The following EXOC6B variants were observed in gnomAD, a reference collection of about 807,000 sequenced individuals.
EXOC6B encodes SEC15 homolog B.
In EXOC6B, 54 loss-of-function variants were observed where a neutral mutation model predicts 113.5. That is an observed-to-expected ratio of 0.48 (90% CI 0.38 to 0.60). The LOEUF (loss-of-function observed/expected upper bound fraction) is 0.60. Among genes scored for constraint, EXOC6B ranks in the 20% least tolerant of loss-of-function variants. The pLI, the probability that EXOC6B is intolerant of heterozygous loss-of-function variation, is 0.00. For synonymous variants in EXOC6B, 357 were observed against 339.0 expected, an observed-to-expected ratio of 1.05 and a Z score of -0.58; for missense variants, 797 against 977.5, an observed-to-expected ratio of 0.82 and a Z score of 2.46.
intron 20 of EXOC6B, among the ~76,000 whole-genome samples, chr2:72,215,256 A>T (rs1680449463): frequency 6.6e-6 from 1 of 152,136 alleles, no homozygotes; most frequent in Non-Finnish European, 1.5e-5. Context: ...GTAGGATGTT[A>T]TGGAGGAGAA....
chr2:72,258,298 C>T (rs181818804), intron 20 of EXOC6B, among the ~76,000 whole-genome samples: 64 of 151,550 alleles, frequency 4.2e-4, no homozygotes, highest in African/African-American at 1.3e-3. Context: ...TCAGCACTTA[C>T]GCCAGGGCTC....
chr2:72,372,935 C>T (rs1374612469), intron 19 of EXOC6B, among the ~76,000 whole-genome samples: 2 of 152,038 alleles, frequency 1.3e-5, no homozygotes, highest in South Asian at 2.1e-4. Context: ...TGAAACTAGA[C>T]CCCTATCTCT....
intron 6 of EXOC6B, among the ~76,000 whole-genome samples, chr2:72,699,620 A>AT (rs1233336426): frequency 6.6e-6 from 1 of 152,126 alleles, no homozygotes; most frequent in Non-Finnish European, 1.5e-5. Flanking sequence ...AGGCTGGACT[A>AT]TTTTTTGGCA....
At chr2:72,357,876 G>C (rs1251743328) in intron 19 of EXOC6B, among the ~76,000 whole-genome samples, 2 of 152,046 alleles carry the variant, frequency 1.3e-5, no homozygotes, top group African/African-American at 4.8e-5. Context: ...TGTAGCCTGG[G>C]TATGTAGCAG....
chr2:72,758,467 A>G (rs994489678), intron 1 of EXOC6B, among the ~76,000 whole-genome samples: 18 of 152,146 alleles, frequency 1.2e-4, no homozygotes, highest in Non-Finnish European at 2.5e-4. Flanking sequence ...AAACATCATA[A>G]AGCTATTTAC....
At chr2:72,358,016 T>C (rs1477818154) in intron 19 of EXOC6B, among the ~76,000 whole-genome samples, 1 of 152,186 alleles carries the variant, frequency 6.6e-6, no homozygotes, top group Non-Finnish European at 1.5e-5. Flanking sequence ...GGTTCAGTAC[T>C]ATCCACAGTT....
At chr2:72,567,401 G>A (rs896931960) in intron 7 of EXOC6B, among the ~76,000 whole-genome samples, 1 of 151,978 alleles carries the variant, frequency 6.6e-6, no homozygotes, top group Non-Finnish European at 1.5e-5. Context: ...GATTAAATAT[G>A]CTGATACTCT....
intron 20 of EXOC6B, among the ~76,000 whole-genome samples, chr2:72,304,577 A>C (rs992141143): frequency 2.0e-4 from 30 of 152,290 alleles, no homozygotes; most frequent in African/African-American, 7.2e-4. Flanking sequence ...GTATGTTTTC[A>C]TTTTAAGGGG....
At chr2:72,542,074 C>A (rs1005789415) in intron 8 of EXOC6B, among the ~76,000 whole-genome samples, 1 of 152,206 alleles carries the variant, frequency 6.6e-6, no homozygotes, top group Non-Finnish European at 1.5e-5. Context: ...TTTAATAGAA[C>A]AACAAACTAT....
At chr2:72,300,816 G>A (rs1215020565) in intron 20 of EXOC6B, among the ~76,000 whole-genome samples, 1 of 152,150 alleles carries the variant, frequency 6.6e-6, no homozygotes, top group Non-Finnish European at 1.5e-5. Context: ...CCTGGGTGAG[G>A]CGATGCCCCA....
chr2:72,801,317 T>A (rs1245437391), intron 1 of EXOC6B, among the ~76,000 whole-genome samples: 1 of 152,204 alleles, frequency 6.6e-6, no homozygotes, highest in Non-Finnish European at 1.5e-5. Context: ...AAATAATTTA[T>A]AATTAAAGAC....
At chr2:72,552,466 A>G (rs1026078854) in intron 8 of EXOC6B, among the ~76,000 whole-genome samples, 61 of 152,198 alleles carry the variant, frequency 4.0e-4, no homozygotes, top group African/African-American at 1.4e-3. Flanking sequence ...TAACTCTTAT[A>G]TAAGTTGTTT....
chr2:72,409,564 G>A (rs1694025085), intron 18 of EXOC6B, among the ~76,000 whole-genome samples: 1 of 152,164 alleles, frequency 6.6e-6, no homozygotes, highest in African/African-American at 2.4e-5. Flanking sequence ...CATGTCCTTT[G>A]TAGGGACATG....
At chr2:72,222,199 T>C (rs1052818250) in intron 20 of EXOC6B, among the ~76,000 whole-genome samples, 3 of 152,188 alleles carry the variant, frequency 2.0e-5, no homozygotes, top group African/African-American at 7.2e-5. Context: ...TCTAGGTACT[T>C]GAATAGTGAG....
intron 20 of EXOC6B, among the ~76,000 whole-genome samples, chr2:72,287,448 AAT>A (rs1190220817): frequency 6.7e-6 from 1 of 150,340 alleles, no homozygotes; most frequent in Admixed American, 6.6e-5. Flanking sequence ...AAAAAATAAA[AAT>A]AAAAATAAAA....
intron 18 of EXOC6B, among the ~76,000 whole-genome samples, chr2:72,399,341 T>A (rs1265886998): frequency 6.6e-6 from 1 of 152,158 alleles, no homozygotes; most frequent in Non-Finnish European, 1.5e-5. Flanking sequence ...CCCTAAAAAC[T>A]GACACAATAT....
intron 20 of EXOC6B, among the ~76,000 whole-genome samples, chr2:72,238,064 C>T (rs982259814): frequency 1.3e-5 from 2 of 152,138 alleles, no homozygotes; most frequent in Non-Finnish European, 2.9e-5. Flanking sequence ...CATTTTCAGT[C>T]ACTCTTCATT....
rs746477892 is a variant in EXOC6B, at chr2:72,465,191, C to T, written c.1949G>A (p.Arg650His). 8 of 1,611,836 alleles carry T rather than the reference C, an allele frequency of 5.0e-6. No homozygotes were observed. Among genetic ancestry groups the T allele is most frequent in the Non-Finnish European group, 3.4e-6 (4 of 1,179,118 alleles). Residue 650 changes from arginine (R) to histidine (H), a missense_variant, in exon 18 of 22, where the codon CGT becomes CAT. By Grantham distance (29) the Arg-to-His change is conservative (BLOSUM62 0). Coordinates refer to ENST00000272427, the MANE Select transcript of EXOC6B (RefSeq NM_015189.3). ...GTGTGTGAATACAGCAAAGGTGCTA[C>T]GAAGAAAGGCAATGAGGTCTACCAG... ...DYLVDLIAFLRSTFAVFTHLP... is the reference protein window; with the variant it reads ...DYLVDLIAFLHSTFAVFTHLP...
chr2:72,720,575 T>G (rs778514127), intron 5 of EXOC6B, among the ~76,000 whole-genome samples: 23 of 151,834 alleles, frequency 1.5e-4, no homozygotes, highest in Non-Finnish European at 2.5e-4. Context: ...AGGCAAAACC[T>G]CATCTCTACC....
Sources: allele counts gnomAD v4.1 joint callset (sites outside exome capture counted in the v4.1 genomes callset), GRCh38; gene constraint gnomAD v4.1.1; transcripts MANE v1.5; gene names NCBI Gene and HGNC (gene_info 2026-07-23, HGNC 2026-07-21).